Variants in FLYWCH1 observed in about 807,000 individuals in gnomAD.
FLYWCH1 encodes FLYWCH-type zinc finger-containing protein 1.
FLYWCH1 carries 75 observed loss-of-function variants against 66.4 expected under a neutral mutation model. The ratio of observed to expected loss-of-function variants is 1.13; its 90% CI spans 0.94 to 1.37. The LOEUF (loss-of-function observed/expected upper bound fraction) is 1.37, where lower values mean the gene tolerates loss of function less well. Ranked by LOEUF, FLYWCH1 falls within the 40% of genes most tolerant of loss-of-function variation. The pLI is 0.00. For missense variants in FLYWCH1, 1,334 were observed against 1,001.8 expected, an observed-to-expected ratio of 1.33 and a Z score of -4.48; for synonymous variants, 595 against 429.9, an observed-to-expected ratio of 1.38 and a Z score of -4.75.
Position 2,938,434 on chromosome 16 carries a change from C to T in FLYWCH1, c.2028C>T (p.Thr676=), listed in dbSNP as rs760159323. The T allele has an allele frequency of 1.1e-5, 17 of 1,528,204 alleles. No individual in the cohort carries two copies. The South Asian group carries it at 1.3e-4, about 12-fold the overall frequency. The allele number at this position is 1,528,204 out of a possible 1,614,324, so 94.7% of individuals were successfully genotyped here. A position where few individuals can be genotyped will look rare whatever the true frequency, so the allele number is the denominator to read the frequency against. Residue 676 remains threonine (T), a synonymous_variant, in exon 8 of 10, where the codon ACC becomes ACT. Coordinates refer to ENST00000253928, the MANE Select transcript of FLYWCH1 (RefSeq NM_001308068.2). The part of the protein sequence containing the change: ...EALRQRERLP[T]TAQQEDPEKI... ...TGAGGCAACGGGAGCGGCTCCCCAC[C>T]ACGGCCCAGCAGGAGGACCCAGGTA... is the stretch of plus-strand genomic sequence containing the variant.
rs2070873107 is a variant in FLYWCH1 at position 2,933,724 on chromosome 16, G to A, written c.1258G>A (p.Glu420Lys). The change falls in exon 6 of 10, where the codon GAG becomes AAG. Residue 420 changes from glutamate (E) to lysine (K), a missense_variant. Physicochemically the swap from Glu to Lys is moderately conservative, Grantham distance 56. Coordinates refer to ENST00000253928, the MANE Select transcript of FLYWCH1 (RefSeq NM_001308068.2). The part of the protein sequence containing the change: ...QDMDADPGGP[E>K]FLKTPLGGSF... ...CTCTTGAACCTCCCCAGGAGGCCCT[G>A]AGTTCCTGAAGACGCCCCTGGGGGG... 1.2e-6 allele frequency: 2 copies of A among 1,612,630 alleles called. No homozygotes were observed. Among genetic ancestry groups the A allele is most frequent in the Non-Finnish European group, 1.7e-6 (2 of 1,179,296 alleles).
chr16:2,940,697 C>G (rs187457553), intron 9 of FLYWCH1, among the ~76,000 whole-genome samples: 1 of 152,236 alleles, frequency 6.6e-6, no homozygotes, highest in East Asian at 1.9e-4. Context: ...TCGGGTCTCC[C>G]GAGTGCTGGG....
At position 2,929,731 on chromosome 16, in the gene FLYWCH1, G is replaced by C; in HGVS notation, c.46G>C (p.Ala16Pro). Residue 16 changes from alanine to proline, a missense_variant, in exon 3 of 10, where the codon GCC becomes CCC. Transcript: ENST00000253928. The part of the protein sequence containing the change: ...PSEQEGESVK[A>P]GQEPSPKPGT... ...CGAGCAGGAGGGCGAGAGTGTGAAG[G>C]CCGGCCAGGAGCCATCCCCCAAGCC... The C allele has an allele frequency of 1.2e-6, 2 of 1,613,546 alleles. No individual in the cohort carries two copies. The highest frequency in any genetic ancestry group is 2.2e-5 in the South Asian group (2 of 91,062).
Position 2,933,124 on chromosome 16 carries a change from C to T in FLYWCH1, c.797-6C>T. The T allele has an allele frequency of 6.2e-7, 1 of 1,610,872 alleles. No individual in the cohort carries two copies. The highest frequency in any genetic ancestry group is 8.5e-7 in the Non-Finnish European group (1 of 1,178,352). The stretch of plus-strand genomic sequence containing the variant: ...GGTGATGTGACCACTTGGGTCTCTC[C>T]TCTAGGACAGGCCCGGCCCCTCGAG... On this transcript the variant is annotated splice_region_variant and splice_polypyrimidine_tract_variant and intron_variant, in intron 4 of 9. Transcript: ENST00000253928.
Position 2,948,774 on chromosome 16 carries a change from C to G in FLYWCH1, c.*47C>G, listed in dbSNP as rs1198516820. On this transcript the variant is annotated 3_prime_UTR_variant, in exon 10 of 10. Transcript: ENST00000253928. Reference sequence around the variant, plus strand: ...CCGAGCCGCCCACCCAAGGTGGCTTCACATCCACACAGGCACTTCCCATCC... The same window carrying G: ...CCGAGCCGCCCACCCAAGGTGGCTTGACATCCACACAGGCACTTCCCATCC... 1.9e-6 allele frequency: 3 copies of G among 1,567,878 alleles called. No homozygotes were observed. The highest frequency in any genetic ancestry group is 2.6e-6 in the Non-Finnish European group (3 of 1,138,518).
chr16:2,944,594 A>G (rs1212956615), intron 9 of FLYWCH1, among the ~76,000 whole-genome samples: 1 of 151,534 alleles, frequency 6.6e-6, no homozygotes, highest in Non-Finnish European at 1.5e-5. Flanking sequence ...AGGCTGAGGC[A>G]GGCAGATCCC....
At chr16:2,913,012 T>C (rs1203862723) in intron 1 of FLYWCH1, 3 of 152,250 alleles carry the variant, frequency 2.0e-5, no homozygotes. Context: ...CAAGTGCTAC[T>C]GGCGGGACGT....
chr16:2,912,265 G>A (rs1298909677), intron 1 of FLYWCH1, 111 bp downstream of exon 1: 1 of 152,322 alleles, frequency 6.6e-6, no homozygotes, highest in Non-Finnish European at 1.5e-5. Flanking sequence ...GGAGGGGTCT[G>A]CGTCCCGGCG....
chr16:2,920,886 G>A (rs1398660268), intron 2 of FLYWCH1, among the ~76,000 whole-genome samples: 4 of 137,802 alleles, frequency 2.9e-5, no homozygotes, highest in African/African-American at 1.1e-4. Context: ...CTGTCGCCCA[G>A]GCTGGAGTGC....
rs547358260 is a variant in FLYWCH1 at position 2,931,930 on chromosome 16, A to G, written c.796+1050A>G. Among the ~76,000 whole-genome samples, 764 of 152,160 alleles carry G rather than the reference A, an allele frequency of 5.0e-3. 2 individuals carry two copies. Among genetic ancestry groups the G allele is most frequent in the African/African-American group, 0.017 (705 of 41,502 alleles). On this transcript the variant is annotated intron_variant, in intron 4 of 9. Coordinates refer to ENST00000253928, the MANE Select transcript of FLYWCH1 (RefSeq NM_001308068.2). ...AGATTGAGACCATCCTGGCTAACAC[A>G]GTGAAACCCTGTCTCTACTAAAAAA... is the stretch of plus-strand genomic sequence containing the variant.
intron 4 of FLYWCH1, 80 bp downstream of exon 4, chr16:2,930,960 G>A (rs986975388): frequency 2.7e-6 from 3 of 1,111,496 alleles, no homozygotes; most frequent in Non-Finnish European, 3.8e-6. Context: ...ATAGAAATGT[G>A]GGGTCCCACA....
intron 2 of FLYWCH1, among the ~76,000 whole-genome samples, chr16:2,916,417 C>T (rs1189233990): frequency 2.0e-5 from 3 of 151,676 alleles, no homozygotes; most frequent in Admixed American, 6.6e-5. Flanking sequence ...AGGCGGATCA[C>T]GAAGTCAGGA....
chr16:2,923,544 G>A (rs1190731233), intron 2 of FLYWCH1, among the ~76,000 whole-genome samples: 2 of 152,108 alleles, frequency 1.3e-5, no homozygotes, highest in Non-Finnish European at 2.9e-5. Context: ...CAGCGCCCGG[G>A]CAGTGCAGAT....
At chr16:2,944,453 A>G (rs907367211) in intron 9 of FLYWCH1, among the ~76,000 whole-genome samples, 1 of 152,018 alleles carries the variant, frequency 6.6e-6, no homozygotes, top group Non-Finnish European at 1.5e-5. Context: ...TTTGATAATG[A>G]TAATAAATAT....
rs374491028 is a variant in FLYWCH1 at position 2,929,926 on chromosome 16, C to G, written c.241C>G (p.Gln81Glu). The G allele has an allele frequency of 8.7e-6, 14 of 1,613,728 alleles. No homozygotes were observed. The African/African-American group carries it at 1.7e-4, about 20-fold the overall frequency. ...CCCCGCCACCCTCGCCAGCACCTTGCAGATCCTGCCAGTTGAGGAGCAGGG... is the reference window on the plus strand; with the variant it reads ...CCCCGCCACCCTCGCCAGCACCTTGGAGATCCTGCCAGTTGAGGAGCAGGG... ...AGPATLASTL[Q>E]ILPVEEQGGV... Residue 81 changes from glutamine to glutamate, a missense_variant, in exon 3 of 10, where the codon CAG (glutamine) becomes GAG (glutamate). Transcript: ENST00000253928.
chr16:2,915,928 T>A (rs1366715558), intron 2 of FLYWCH1, among the ~76,000 whole-genome samples: 1 of 152,214 alleles, frequency 6.6e-6, no homozygotes, highest in South Asian at 2.1e-4. Flanking sequence ...ATATTTTTGA[T>A]TATAAGGCTG....
At chr16:2,943,495 G>A (rs1446772414) in intron 9 of FLYWCH1, 1 of 151,386 alleles carries the variant, frequency 6.6e-6, no homozygotes, top group Non-Finnish European at 1.5e-5. Flanking sequence ...CTGCATACCA[G>A]ATCAGTAGAG....
At chr16:2,912,936 T>C (rs911932116) in intron 1 of FLYWCH1, 1 of 152,214 alleles carries the variant, frequency 6.6e-6, no homozygotes, top group Non-Finnish European at 1.5e-5. Flanking sequence ...CAAGGGCCAA[T>C]ATGATTTCCA....
intron 9 of FLYWCH1, among the ~76,000 whole-genome samples, chr16:2,940,660 C>A (rs1392371252): frequency 6.6e-6 from 1 of 151,934 alleles, no homozygotes; most frequent in African/African-American, 2.4e-5. Context: ...GAGTCTCAAA[C>A]TTCTGACCTC....
Sources: allele counts gnomAD v4.1 joint callset (sites outside exome capture counted in the v4.1 genomes callset), GRCh38; gene constraint gnomAD v4.1.1; transcripts MANE v1.5; gene names NCBI Gene and HGNC (gene_info 2026-07-23, HGNC 2026-07-21).